Variants in OR4K1 observed in about 807,000 individuals in gnomAD.
The protein encoded by OR4K1 is olfactory receptor family 4 subfamily K member 1.
Under a neutral mutation model 14.4 loss-of-function variants are expected in OR4K1, and 16 were observed. The ratio of observed to expected loss-of-function variants is 1.11; its 90% CI spans 0.75 to 1.68. The LOEUF is 1.68. Among genes scored for constraint, OR4K1 ranks in the 40% most tolerant of loss-of-function variants. OR4K1 has a pLI of 0.00. For missense variants in OR4K1, 548 were observed against 376.9 expected (o/e 1.45, Z -3.76); for synonymous variants, 181 against 133.1 (o/e 1.36, Z -2.48).
chr14:19,921,385 G>T, the OR4K1 span: 1 of 1,614,048 alleles, frequency 6.2e-7, no homozygotes, highest in African/African-American at 1.3e-5. Context: ...ATCTATGTGT[G>T]GCCCTTTACC....
chr14:19,935,298 A>T (rs917906590), intron 1 of OR4K1, among the ~76,000 whole-genome samples: 2 of 152,272 alleles, frequency 1.3e-5, no homozygotes, highest in African/African-American at 4.8e-5. Flanking sequence ...GCTAAAACTT[A>T]TCTTACCACT....
At chr14:19,928,165 A>T (rs1157701764), upstream of OR4K1, among the ~76,000 whole-genome samples, 1 of 152,262 alleles carries the variant, frequency 6.6e-6, no homozygotes, top group East Asian at 1.9e-4. Flanking sequence ...TCACAATCAG[A>T]TAACAAGGAA....
At chr14:19,927,728 T>C (rs1247770745), upstream of OR4K1, among the ~76,000 whole-genome samples, 1 of 152,182 alleles carries the variant, frequency 6.6e-6, no homozygotes, top group Non-Finnish European at 1.5e-5. Context: ...ATCACACCCC[T>C]TCCTCTGAAG....
At chr14:19,933,442 C>T (rs138129579) in intron 1 of OR4K1, among the ~76,000 whole-genome samples, 2 of 152,240 alleles carry the variant, frequency 1.3e-5, no homozygotes, top group Admixed American at 6.5e-5. Flanking sequence ...TTCTTTGCTT[C>T]CTCGTTTCCC....
In OR4K1 at chr14:19,936,668, G is replaced by GC. The variant is rs753479605; in HGVS notation, c.*68dup. ...ACCCTCCAGTGTATCATAGTGTCAT[G>GC]CCAACCATCTTTGCCAGACATATGG... On this transcript the variant is annotated 3_prime_UTR_variant, in exon 2 of 2. Transcript: ENST00000641172. 7 of 1,416,550 alleles carry GC rather than the reference G, an allele frequency of 4.9e-6. No individual in the cohort carries two copies. Among genetic ancestry groups the GC allele is most frequent in the Non-Finnish European group, 6.7e-6 (7 of 1,051,798 alleles). The allele number at this position is 1,416,550 out of a possible 1,614,324, so 87.7% of individuals were successfully genotyped here.
At chr14:19,922,773 C>T in the OR4K1 span, among the ~76,000 whole-genome samples, 1 of 152,170 alleles carries the variant, frequency 6.6e-6, no homozygotes, top group African/African-American at 2.4e-5. Context: ...AAGAAACTTT[C>T]CTGTGCTGTC....
rs868101761 is a variant in OR4K1, at chr14:19,935,961, G to A, written c.295G>A (p.Ala99Thr). 9 of 1,614,158 alleles carry A rather than the reference G, an allele frequency of 5.6e-6. No individual in the cohort carries two copies. The African/African-American group carries it at 9.3e-5, about 17-fold the overall frequency. ...RKTISFEGCM[A>T]QIFVLHSFVG... ...GACTATCTCCTTTGAGGGTTGCATG[G>A]CCCAGATATTCGTTCTTCACAGTTT... The change falls in exon 2 of 2, where the codon GCC becomes ACC. Residue 99 changes from alanine (A) to threonine (T), a missense_variant. Transcript: ENST00000641172.
upstream of OR4K1, among the ~76,000 whole-genome samples, chr14:19,929,907 T>C (rs1405964655): frequency 1.3e-5 from 2 of 152,250 alleles, no homozygotes; most frequent in East Asian, 3.8e-4. Context: ...TTTATGCTTT[T>C]GAATTTTTCT....
the OR4K1 span, chr14:19,921,234 A>G: frequency 4.3e-6 from 7 of 1,614,058 alleles, no homozygotes; most frequent in Non-Finnish European, 5.9e-6. Context: ...TTCCCTAAGC[A>G]CTTTCTCTCT....
At chr14:19,925,103 G>A in the OR4K1 span, among the ~76,000 whole-genome samples, 1 of 151,982 alleles carries the variant, frequency 6.6e-6, no homozygotes, top group Non-Finnish European at 1.5e-5. Context: ...GACTTTCCCT[G>A]CACTGCTGAC....
At chr14:19,930,704 T>C (rs1414292392), upstream of OR4K1, among the ~76,000 whole-genome samples, 1 of 152,260 alleles carries the variant, frequency 6.6e-6, no homozygotes, top group Non-Finnish European at 1.5e-5. Context: ...CTTTCATATG[T>C]ATACACTAGT....
chr14:19,934,637 TG>T (rs1330286263), intron 1 of OR4K1, among the ~76,000 whole-genome samples: 1 of 152,212 alleles, frequency 6.6e-6, no homozygotes, highest in African/African-American at 2.4e-5. Context: ...TATAGCAAAT[TG>T]TTTCTATCAT....
At chr14:19,932,511 GA>G (rs1882208001) in intron 1 of OR4K1, among the ~76,000 whole-genome samples, 1 of 152,196 alleles carries the variant, frequency 6.6e-6, no homozygotes, top group Non-Finnish European at 1.5e-5. Flanking sequence ...AAGGAGTTGA[GA>G]AAAGTCAAGG....
chr14:19,924,561 CTG>C, the OR4K1 span, among the ~76,000 whole-genome samples: 1 of 152,156 alleles, frequency 6.6e-6, no homozygotes, highest in Non-Finnish European at 1.5e-5. Context: ...GCTGGTGAAA[CTG>C]TGGAGAAATA....
chr14:19,935,336 C>T (rs1882279937), intron 1 of OR4K1, among the ~76,000 whole-genome samples: 1 of 152,198 alleles, frequency 6.6e-6, no homozygotes, highest in African/African-American at 2.4e-5. Context: ...ATCTTATTAA[C>T]ATTTATACTA....
chr14:19,920,643 G>A, the OR4K1 span: 2 of 1,612,650 alleles, frequency 1.2e-6, no homozygotes, highest in Non-Finnish European at 1.7e-6. Flanking sequence ...GTCTGAATTT[G>A]TACTGTTGGG....
At chr14:19,921,585 ACTC>A in the OR4K1 span, 1 of 1,601,570 alleles carries the variant, frequency 6.2e-7, no homozygotes, top group East Asian at 2.2e-5. Flanking sequence ...TTAAGACAAA[ACTC>A]CTTCAAATTC....
chr14:19,921,030 ACT>A, the OR4K1 span: 6 of 1,614,074 alleles, frequency 3.7e-6, no homozygotes, highest in Admixed American at 8.3e-5. Flanking sequence ...AAGGACATGC[ACT>A]GTCTTGGTAA....
rs1201847690 is a variant in OR4K1 at position 19,936,021 on chromosome 14, G to A, written c.355G>A (p.Ala119Thr). Residue 119 changes from alanine to threonine, a missense_variant, in exon 2 of 2, where the codon GCA (alanine) becomes ACA (threonine). Transcript: ENST00000641172. ...GSEMMLLVAM[A>T]YDRFIAICKP... ...TGAGATGATGTTGCTTGTAGCTATG[G>A]CATATGACAGATTTATAGCCATATG... 2 of 1,614,212 alleles carry A rather than the reference G, an allele frequency of 1.2e-6. No individual in the cohort carries two copies. Among genetic ancestry groups the A allele is most frequent in the Admixed American group, 3.3e-5 (2 of 60,024 alleles).
Sources: allele counts gnomAD v4.1 joint callset (sites outside exome capture counted in the v4.1 genomes callset), GRCh38; gene constraint gnomAD v4.1.1; transcripts MANE v1.5; gene names NCBI Gene and HGNC (gene_info 2026-07-23, HGNC 2026-07-21).